The following TMTC1 variants were observed in gnomAD, a reference collection of about 807,000 sequenced individuals.
The protein encoded by TMTC1 is protein O-mannosyl-transferase TMTC1.
A neutral mutation model predicts 104.8 loss-of-function variants in TMTC1; 73 were observed. The ratio of observed to expected loss-of-function variants is 0.70; its 90% confidence interval spans 0.58 to 0.85. TMTC1 has a LOEUF of 0.85. Among genes scored for constraint, TMTC1 ranks in the 40% least tolerant of loss-of-function variants. The probability of loss-of-function intolerance (pLI) is 0.00; values close to 1 mark genes in which losing one functional copy is unlikely to be tolerated. For synonymous variants in TMTC1, 434 were observed against 428.7 expected (o/e 1.01, Z -0.15); for missense variants, 1,035 against 1,096.1 (o/e 0.94, Z 0.79).
chr12:29,750,845 G>A (rs1247774308), intron 5 of TMTC1, among the ~76,000 whole-genome samples: 1 of 152,158 alleles, frequency 6.6e-6, no homozygotes, highest in African/African-American at 2.4e-5. Flanking sequence ...TCTAACTAGG[G>A]ACTTTCCACT....
chr12:29,650,492 C>T (rs1386513858), intron 5 of TMTC1, among the ~76,000 whole-genome samples: 1 of 152,148 alleles, frequency 6.6e-6, no homozygotes, highest in Admixed American at 6.6e-5. Flanking sequence ...CCTACCCTCT[C>T]CAGGGGTTCT....
chr12:29,554,617 C>A (rs1243912180), intron 10 of TMTC1, among the ~76,000 whole-genome samples: 1 of 151,984 alleles, frequency 6.6e-6, no homozygotes, highest in Non-Finnish European at 1.5e-5. Context: ...GCCTATAATC[C>A]CGGTACTTTG....
intron 17 of TMTC1, among the ~76,000 whole-genome samples, chr12:29,509,893 G>C (rs2136129586): frequency 6.6e-6 from 1 of 152,334 alleles, no homozygotes; most frequent in South Asian, 2.1e-4. Context: ...CTGGTAAAGA[G>C]TGCAGTAGAC....
At chr12:29,517,747 A>T (rs891880197) in intron 13 of TMTC1, among the ~76,000 whole-genome samples, 176 bp from the exon 14 acceptor site, 9 of 151,534 alleles carry the variant, frequency 5.9e-5, no homozygotes, top group African/African-American at 2.2e-4. Context: ...ACAGAGTCTC[A>T]CTCTGTCACC....
chr12:29,598,850 T>C (rs1324701830), intron 7 of TMTC1, among the ~76,000 whole-genome samples: 2 of 152,246 alleles, frequency 1.3e-5, no homozygotes, highest in African/African-American at 4.8e-5. Context: ...TTCCTACGTA[T>C]ATAAATTTAA....
chr12:29,663,761 C>A (rs2075380), intron 5 of TMTC1, among the ~76,000 whole-genome samples: 77,492 of 146,092 alleles, frequency 0.53, 21,511 homozygotes, highest in Admixed American at 0.64. Flanking sequence ...AGGTGATCCA[C>A]CCACCTCGGC....
At chr12:29,567,627 G>C (rs146617276) in intron 9 of TMTC1, among the ~76,000 whole-genome samples, 79 of 152,252 alleles carry the variant, frequency 5.2e-4, no homozygotes, top group Non-Finnish European at 7.1e-4. Flanking sequence ...CTAACAAATG[G>C]TATTGAGATT....
chr12:29,520,651 G>A lies in TMTC1; in HGVS notation c.1855C>T (p.His619Tyr). 1 of 1,613,608 alleles carries A rather than the reference G, an allele frequency of 6.2e-7. No individual in the cohort carries two copies. Among genetic ancestry groups the A allele is most frequent in the South Asian group, 1.1e-5 (1 of 91,014 alleles). The change falls in exon 12 of 18, where the codon CAC (histidine) becomes TAC (tyrosine). Residue 619 changes from histidine to tyrosine, a missense_variant. Coordinates refer to ENST00000539277, the MANE Select transcript of TMTC1 (RefSeq NM_001193451.2). ...ACTAAGAAAACCCCATAGTTGTTGT[G>A]TAAATCTGAGCTGTCTGGACAGTTC... ...IKNCPDSSDL[H>Y]NNYGVFLVDT...
chr12:29,682,488 A>C (rs1035107696), intron 5 of TMTC1, among the ~76,000 whole-genome samples: 1 of 152,054 alleles, frequency 6.6e-6, no homozygotes, highest in Non-Finnish European at 1.5e-5. Flanking sequence ...AAAATTTACT[A>C]AAAAAAACCA....
rs184715114 is a variant in TMTC1, at chr12:29,656,085, A to G, written c.939-22749T>C. 2.0e-3 allele frequency among the ~76,000 whole-genome samples: 303 copies of G among 152,190 alleles called. 1 individual carries two copies. Among genetic ancestry groups the G allele is most frequent in the South Asian group, 8.3e-3 (40 of 4,828 alleles). On this transcript the variant is annotated intron_variant, in intron 5 of 17. Transcript: ENST00000539277. ...GCCAGCCAAGTCGCAGCTAAACTGC[A>G]CAGCTGCTAAGAAGGAAAGAAAAGC...
intron 7 of TMTC1, among the ~76,000 whole-genome samples, chr12:29,600,616 G>C (rs1946538859): frequency 6.6e-6 from 1 of 152,170 alleles, no homozygotes; most frequent in Non-Finnish European, 1.5e-5. Flanking sequence ...ATATTCCTAA[G>C]ATTCCTCCCG....
At chr12:29,624,546 T>C (rs1188330127) in intron 6 of TMTC1, among the ~76,000 whole-genome samples, 1 of 152,172 alleles carries the variant, frequency 6.6e-6, no homozygotes, top group Non-Finnish European at 1.5e-5. Context: ...CTCAGCCTCC[T>C]TACTGTCTGT....
chr12:29,615,961 T>G (rs1946966757), intron 6 of TMTC1, among the ~76,000 whole-genome samples: 1 of 152,158 alleles, frequency 6.6e-6, no homozygotes, highest in African/African-American at 2.4e-5. Flanking sequence ...AAGTTGATAC[T>G]TCCCAAAGCA....
At chr12:29,548,772 TTA>T (rs1221643514) in intron 10 of TMTC1, among the ~76,000 whole-genome samples, 2 of 142,882 alleles carry the variant, frequency 1.4e-5, no homozygotes, top group African/African-American at 5.1e-5. Context: ...ACACCTATAT[TTA>T]TATATTTATA....
intron 6 of TMTC1, among the ~76,000 whole-genome samples, chr12:29,619,035 T>C (rs919300652): frequency 4.6e-5 from 7 of 152,138 alleles, no homozygotes; most frequent in East Asian, 1.9e-4. Flanking sequence ...AGTAATAATA[T>C]AGACTATGAA....
chr12:29,778,131 A>G (rs1469035220), intron 1 of TMTC1, among the ~76,000 whole-genome samples: 1 of 152,136 alleles, frequency 6.6e-6, no homozygotes, highest in Non-Finnish European at 1.5e-5. Flanking sequence ...ACCCACTTTC[A>G]CTCTTATGGT....
intron 4 of TMTC1, 109 bp from the exon 5 acceptor site, chr12:29,751,981 C>A: frequency 2.0e-6 from 2 of 1,014,908 alleles, no homozygotes; most frequent in East Asian, 5.3e-5. Context: ...CTGGAAACAA[C>A]CATTCTCAAG....
chr12:29,519,066 G>A (rs1289007351), intron 12 of TMTC1, among the ~76,000 whole-genome samples: 2 of 152,246 alleles, frequency 1.3e-5, no homozygotes, highest in East Asian at 3.9e-4. Context: ...AGCAATTGAA[G>A]CATTACTTTA....
chr12:29,537,464 C>A (rs1944676883), intron 10 of TMTC1, among the ~76,000 whole-genome samples: 1 of 152,148 alleles, frequency 6.6e-6, no homozygotes, highest in South Asian at 2.1e-4. Context: ...TATAAACAGT[C>A]TTCGGAGTGC....
Sources: gnomAD v4.1 joint callset for allele counts (sites outside exome capture counted in the v4.1 genomes callset) on GRCh38, gnomAD v4.1.1 for gene constraint, MANE v1.5 for transcripts, NCBI Gene and HGNC (gene_info 2026-07-23, HGNC 2026-07-21) for gene names.